Variants in MBD5 observed in about 807,000 individuals in gnomAD.
MBD5 encodes the protein methyl-CpG binding domain protein 5.
In MBD5, 13 loss-of-function variants were observed where a neutral mutation model predicts 117.3. The observed-to-expected ratio is 0.11, with a 90% CI of 0.07 to 0.18. MBD5 has a LOEUF of 0.18. MBD5 is among the 10% of genes least tolerant of loss of function. MBD5 has a pLI of 1.00. For missense variants in MBD5, 1,879 were observed against 2,093.8 expected, an observed-to-expected ratio of 0.90 and a Z score of 2.00; for synonymous variants, 727 against 766.4, an observed-to-expected ratio of 0.95 and a Z score of 0.85.
intron 2 of MBD5, among the ~76,000 whole-genome samples, chr2:148,209,551 T>C (rs1361372779): frequency 3.3e-5 from 5 of 151,556 alleles, no homozygotes; most frequent in African/African-American, 7.3e-5. Context: ...AATTACCCAG[T>C]GTAAGGCACT....
intron 11 of MBD5, among the ~76,000 whole-genome samples, chr2:148,498,280 C>G (rs1408801640): frequency 1.3e-5 from 2 of 152,194 alleles, no homozygotes; most frequent in East Asian, 1.9e-4. Flanking sequence ...AAGATTAAAG[C>G]CTGCAGAAAA....
In MBD5 at chr2:148,361,254, G is replaced by A. The variant is rs1380360371; in HGVS notation, c.-557+18918G>A. 4.6e-5 allele frequency among the ~76,000 whole-genome samples: 7 copies of A among 152,116 alleles called. No homozygotes were observed. The East Asian group carries it at 1.3e-3, about 29-fold the overall frequency. ...AATCCTAGCTACTGGGGAGGCTGAG[G>A]GAGGAGAATCTCTTGAACCCAGGAG... On this transcript the variant is annotated intron_variant, in intron 4 of 13. Transcript: ENST00000642680.
chr2:148,023,618 A>G (rs1329433167), intron 1 of MBD5, among the ~76,000 whole-genome samples: 1 of 152,138 alleles, frequency 6.6e-6, no homozygotes, highest in East Asian at 1.9e-4. Flanking sequence ...AACCTCAGCA[A>G]CTTTAAAGGT....
chr2:148,104,841 A>G (rs764210393), intron 1 of MBD5, among the ~76,000 whole-genome samples: 1 of 152,184 alleles, frequency 6.6e-6, no homozygotes, highest in Non-Finnish European at 1.5e-5. Context: ...TGAGTATTAC[A>G]TTAAAAAGTA....
intron 3 of MBD5, chr2:148,264,286 G>A (rs78967787): frequency 0.013 from 1,918 of 143,024 alleles, 39 homozygotes; most frequent in African/African-American, 0.046. Flanking sequence ...GAGCAGCATC[G>A]TGAGACCTCG....
chr2:148,424,216 A>C (rs1159743095), intron 4 of MBD5, among the ~76,000 whole-genome samples: 12 of 141,242 alleles, frequency 8.5e-5, no homozygotes, highest in Admixed American at 6.6e-4. Flanking sequence ...AAAAAAAAAA[A>C]CAGCAGAGGT....
intron 11 of MBD5, among the ~76,000 whole-genome samples, chr2:148,497,642 A>T (rs1352901816): frequency 4.6e-5 from 7 of 152,024 alleles, no homozygotes. Context: ...TGAGCATGCC[A>T]GGCATGGTGG....
intron 4 of MBD5, among the ~76,000 whole-genome samples, chr2:148,418,694 A>G (rs1361814830): frequency 6.6e-6 from 1 of 152,202 alleles, no homozygotes; most frequent in Non-Finnish European, 1.5e-5. Context: ...GTCTACAAGG[A>G]GAACTATAAA....
At chr2:148,108,575 T>C (rs1468763893) in intron 1 of MBD5, among the ~76,000 whole-genome samples, 1 of 152,052 alleles carries the variant, frequency 6.6e-6, no homozygotes, top group Non-Finnish European at 1.5e-5. Context: ...CAAGTTCAGC[T>C]GATTCAGCAA....
rs1216036445 is a variant in MBD5, at chr2:148,485,833, T to C, written c.3636T>C (p.Asn1212=). The change falls in exon 10 of 14, where the codon AAT becomes AAC. Residue 1212 remains asparagine (N), a synonymous_variant. Coordinates refer to ENST00000642680, the MANE Select transcript of MBD5 (RefSeq NM_001378120.1). ...LLNNNQMFPP[N]QQQQQLLQGY... ...ACAACAATCAGATGTTTCCTCCAAATCAGCAACAGCAGCAACTTCTCCAGG... is the reference window on the plus strand; with the variant it reads ...ACAACAATCAGATGTTTCCTCCAAACCAGCAACAGCAGCAACTTCTCCAGG... 6.2e-7 allele frequency: 1 copy of C among 1,613,926 alleles called. No homozygotes were observed. The highest frequency in any genetic ancestry group is 1.3e-5 in the African/African-American group (1 of 74,918).
intron 3 of MBD5, among the ~76,000 whole-genome samples, chr2:148,319,782 G>A (rs902770312): frequency 3.5e-4 from 53 of 152,044 alleles, no homozygotes; most frequent in African/African-American, 1.3e-3. Context: ...AAGGACTTCC[G>A]GTACTGTGTG....
intron 4 of MBD5, among the ~76,000 whole-genome samples, chr2:148,397,486 C>A (rs573852021): frequency 5.3e-5 from 8 of 151,868 alleles, no homozygotes; most frequent in Admixed American, 2.6e-4. Flanking sequence ...CCCGCCACCA[C>A]GCCCGGCTAA....
intron 3 of MBD5, among the ~76,000 whole-genome samples, chr2:148,243,096 G>T (rs1485782027): frequency 6.6e-6 from 1 of 151,440 alleles, no homozygotes; most frequent in African/African-American, 2.4e-5. Flanking sequence ...GATCTCTAAT[G>T]CATAGCATGA....
chr2:148,167,395 GT>G (rs1473788236), intron 1 of MBD5, among the ~76,000 whole-genome samples: 1 of 152,008 alleles, frequency 6.6e-6, no homozygotes, highest in African/African-American at 2.4e-5. Context: ...TTCTGATTCA[GT>G]TTTTTCTGCT....
chr2:148,422,477 G>T (rs1295676348), intron 4 of MBD5, among the ~76,000 whole-genome samples: 1 of 152,180 alleles, frequency 6.6e-6, no homozygotes, highest in African/African-American at 2.4e-5. Context: ...AAGATAGGGA[G>T]AAACCAGCGC....
At chr2:148,411,383 G>A (rs943699896) in intron 4 of MBD5, among the ~76,000 whole-genome samples, 8 of 152,146 alleles carry the variant, frequency 5.3e-5, no homozygotes, top group South Asian at 2.1e-4. Flanking sequence ...TCACTGGGTC[G>A]AGTGACAATT....
chr2:148,029,998 G>GCCA (rs1693995359), intron 1 of MBD5, among the ~76,000 whole-genome samples: 1 of 152,152 alleles, frequency 6.6e-6, no homozygotes, highest in South Asian at 2.1e-4. Context: ...GGGGCCAGGT[G>GCCA]CGGTGGCTCA....
At chr2:148,033,114 C>A (rs377320725) in intron 1 of MBD5, among the ~76,000 whole-genome samples, 1 of 152,012 alleles carries the variant, frequency 6.6e-6, no homozygotes, top group African/African-American at 2.4e-5. Flanking sequence ...GTGATAATGT[C>A]GAGCAAACCA....
At chr2:148,134,616 C>T (rs1697132095) in intron 1 of MBD5, among the ~76,000 whole-genome samples, 2 of 152,144 alleles carry the variant, frequency 1.3e-5, no homozygotes, top group African/African-American at 4.8e-5. Context: ...CATTCTTCCC[C>T]CCAAATTAGA....
Sources: allele counts gnomAD v4.1 joint callset (sites outside exome capture counted in the v4.1 genomes callset), GRCh38; gene constraint gnomAD v4.1.1; transcripts MANE v1.5; gene names NCBI Gene and HGNC (gene_info 2026-07-23, HGNC 2026-07-21).